Variants in FAM171A1 observed in about 807,000 individuals in gnomAD.
The protein encoded by FAM171A1 is protein FAM171A1.
Under a neutral mutation model 74.9 loss-of-function variants are expected in FAM171A1, and 23 were observed. The observed-to-expected ratio is 0.31, with a 90% CI of 0.22 to 0.44. The LOEUF (loss-of-function observed/expected upper bound fraction) is 0.44, where lower values mean the gene tolerates loss of function less well. Among genes scored for constraint, FAM171A1 ranks in the 20% least tolerant of loss-of-function variants. The pLI is 1.00. For missense variants in FAM171A1, 1,162 were observed against 1,159.2 expected, an observed-to-expected ratio of 1.00 and a Z score of -0.03; for synonymous variants, 527 against 505.7, an observed-to-expected ratio of 1.04 and a Z score of -0.57.
At chr10:15,293,569 A>G (rs1446021076) in intron 1 of FAM171A1, among the ~76,000 whole-genome samples, 2 of 151,928 alleles carry the variant, frequency 1.3e-5, no homozygotes, top group Non-Finnish European at 2.9e-5. Context: ...ATATATATAT[A>G]TAGCAAAGAT....
chr10:15,231,622 A>T (rs1179458583), intron 5 of FAM171A1, among the ~76,000 whole-genome samples: 1 of 151,556 alleles, frequency 6.6e-6, no homozygotes, highest in African/African-American at 2.4e-5. Flanking sequence ...CAACTCTGTC[A>T]GGCAGAGTTG....
chr10:15,335,909 A>G (rs1485218507), intron 1 of FAM171A1, among the ~76,000 whole-genome samples: 1 of 152,194 alleles, frequency 6.6e-6, no homozygotes, highest in African/African-American at 2.4e-5. Flanking sequence ...GCTCATTTTT[A>G]TCTTCTACCT....
intron 6 of FAM171A1, among the ~76,000 whole-genome samples, chr10:15,218,070 G>T (rs924346851): frequency 6.6e-6 from 1 of 152,004 alleles, no homozygotes; most frequent in Non-Finnish European, 1.5e-5. Flanking sequence ...AGTACTCAAA[G>T]CATTATTGTT....
intron 5 of FAM171A1, among the ~76,000 whole-genome samples, chr10:15,239,047 G>C (rs555787696): frequency 1.3e-5 from 2 of 152,146 alleles, no homozygotes; most frequent in East Asian, 3.9e-4. Context: ...CATTCCCCAG[G>C]GCAACAAGTC....
upstream of FAM171A1, among the ~76,000 whole-genome samples, chr10:15,373,565 A>G (rs1836173267): frequency 6.6e-6 from 1 of 152,232 alleles, no homozygotes; most frequent in Non-Finnish European, 1.5e-5. Flanking sequence ...AGTGAAGTGC[A>G]AATCTAGTGA....
At chr10:15,243,748 C>A (rs1046298704) in intron 5 of FAM171A1, among the ~76,000 whole-genome samples, 3 of 152,148 alleles carry the variant, frequency 2.0e-5, no homozygotes, top group African/African-American at 7.2e-5. Context: ...CCTTTTATAA[C>A]GTGTACATAT....
chr10:15,338,826 C>T (rs10796282), intron 1 of FAM171A1, among the ~76,000 whole-genome samples: 47,073 of 152,084 alleles, frequency 0.31, 9,177 homozygotes, highest in East Asian at 0.67. Context: ...CTGCAACCTC[C>T]ACCTCCCAGG....
intron 3 of FAM171A1, among the ~76,000 whole-genome samples, chr10:15,260,293 G>T (rs1834639229): frequency 6.6e-6 from 1 of 152,112 alleles, no homozygotes; most frequent in South Asian, 2.1e-4. Flanking sequence ...CTCTTACTAT[G>T]TCCTGTATCA....
intron 1 of FAM171A1, among the ~76,000 whole-genome samples, chr10:15,364,716 C>T (rs1836038127): frequency 6.6e-6 from 1 of 152,190 alleles, no homozygotes; most frequent in Non-Finnish European, 1.5e-5. Flanking sequence ...CTTCTGGAGG[C>T]TCTAGGGTAA....
chr10:15,247,497 T>C (rs576184804), intron 5 of FAM171A1, among the ~76,000 whole-genome samples: 2 of 152,230 alleles, frequency 1.3e-5, no homozygotes, highest in Admixed American at 6.5e-5. Flanking sequence ...ACCTCTCAGA[T>C]AGCCAGCCCC....
At chr10:15,217,703 T>G (rs531006744) in intron 6 of FAM171A1, among the ~76,000 whole-genome samples, 2 of 151,862 alleles carry the variant, frequency 1.3e-5, no homozygotes, top group Non-Finnish European at 2.9e-5. Context: ...AGTGGTGTGA[T>G]CTCAGCTCAT....
chr10:15,292,179 C>T (rs990937270), intron 1 of FAM171A1, among the ~76,000 whole-genome samples: 1 of 151,986 alleles, frequency 6.6e-6, no homozygotes, highest in African/African-American at 2.4e-5. Flanking sequence ...CACAATGGCT[C>T]CCCCCTCATG....
At chr10:15,230,795 A>G (rs1446980516) in intron 5 of FAM171A1, among the ~76,000 whole-genome samples, 1 of 152,252 alleles carries the variant, frequency 6.6e-6, no homozygotes, top group Non-Finnish European at 1.5e-5. Flanking sequence ...GATACATAAT[A>G]GCATTAATAA....
At chr10:15,243,912 G>T (rs1834396441) in intron 5 of FAM171A1, among the ~76,000 whole-genome samples, 1 of 152,042 alleles carries the variant, frequency 6.6e-6, no homozygotes, top group Non-Finnish European at 1.5e-5. Flanking sequence ...CACCACACCC[G>T]GCTAATTTTT....
chr10:15,366,715 A>G (rs1251388847), intron 1 of FAM171A1, among the ~76,000 whole-genome samples: 1 of 152,194 alleles, frequency 6.6e-6, no homozygotes, highest in Non-Finnish European at 1.5e-5. Flanking sequence ...TTTCTTCATG[A>G]TACAGCATTA....
intron 5 of FAM171A1, among the ~76,000 whole-genome samples, chr10:15,247,579 G>A (rs1222713845): frequency 6.6e-6 from 1 of 152,142 alleles, no homozygotes; most frequent in Non-Finnish European, 1.5e-5. Context: ...ACCAGTGTGG[G>A]TCTGTGTGAC....
intron 1 of FAM171A1, among the ~76,000 whole-genome samples, chr10:15,291,405 T>C (rs929409549): frequency 2.0e-5 from 3 of 152,228 alleles, no homozygotes; most frequent in African/African-American, 7.2e-5. Flanking sequence ...AATTTAAAAA[T>C]CGAGCTCCTT....
chr10:15,354,525 A>G (rs1016646171), intron 1 of FAM171A1, among the ~76,000 whole-genome samples: 10 of 152,076 alleles, frequency 6.6e-5, no homozygotes, highest in Non-Finnish European at 8.8e-5. Context: ...TGGAACTTTC[A>G]AGGCAATGAA....
chr10:15,255,742 C>A (rs1413468289), intron 3 of FAM171A1, among the ~76,000 whole-genome samples: 1 of 151,720 alleles, frequency 6.6e-6, no homozygotes, highest in Non-Finnish European at 1.5e-5. Flanking sequence ...CTCTGCCTCC[C>A]GTTCAAGCGA....
Sources: allele counts gnomAD v4.1 joint callset (sites outside exome capture counted in the v4.1 genomes callset), GRCh38; gene constraint gnomAD v4.1.1; transcripts MANE v1.5; gene names NCBI Gene and HGNC (gene_info 2026-07-23, HGNC 2026-07-21).